The following EXT1 variants were observed in gnomAD, a reference collection of about 807,000 sequenced individuals.
EXT1 encodes the protein exostosin-1.
In EXT1, 20 loss-of-function variants were observed where a neutral mutation model predicts 82.5. That is an observed-to-expected ratio of 0.24 (90% CI 0.17 to 0.35). The LOEUF (loss-of-function observed/expected upper bound fraction) is 0.35. EXT1 is among the 10% of genes least tolerant of loss of function. The pLI is 1.00. For synonymous variants in EXT1, 348 were observed against 350.8 expected, an observed-to-expected ratio of 0.99 and a Z score of 0.09; for missense variants, 757 against 936.5, an observed-to-expected ratio of 0.81 and a Z score of 2.50.
At chr8:117,926,505 G>A (rs1813955324) in intron 1 of EXT1, among the ~76,000 whole-genome samples, 1 of 152,170 alleles carries the variant, frequency 6.6e-6, no homozygotes, top group African/African-American at 2.4e-5. Context: ...AGGGAGTCAT[G>A]GCTAGAAGTG....
At chr8:117,854,891 T>TA (rs1042982171) in intron 1 of EXT1, among the ~76,000 whole-genome samples, 2 of 152,224 alleles carry the variant, frequency 1.3e-5, no homozygotes, top group African/African-American at 4.8e-5. Context: ...GCATTTTTTT[T>TA]ACCAGCAGTT....
At chr8:117,885,599 A>T (rs1038524591) in intron 1 of EXT1, among the ~76,000 whole-genome samples, 24 of 152,032 alleles carry the variant, frequency 1.6e-4, no homozygotes, top group Non-Finnish European at 2.5e-4. Flanking sequence ...ATGGTAACAT[A>T]CCATTAGAGG....
chr8:117,813,113 A>C (rs1586993284), intron 7 of EXT1, 152 bp from the exon 8 acceptor site: 3 of 692,806 alleles, frequency 4.3e-6, no homozygotes, highest in Non-Finnish European at 7.8e-6. Context: ...CTCATTTCCC[A>C]TCAATGCAGA....
At chr8:117,943,265 A>T (rs556549955) in intron 1 of EXT1, among the ~76,000 whole-genome samples, 1 of 152,342 alleles carries the variant, frequency 6.6e-6, no homozygotes, top group South Asian at 2.1e-4. Context: ...ACAAACTGCT[A>T]GTAAGAAAAT....
In EXT1 at chr8:117,862,082, C is replaced by T. The variant is rs193089232; in HGVS notation, c.963-24881G>A. Reference sequence around the variant, plus strand: ...TAGACACTAGAGATGCTCAATCATGCGCTCTGTAAGCAAATCACACTTCAT... The same window carrying T: ...TAGACACTAGAGATGCTCAATCATGTGCTCTGTAAGCAAATCACACTTCAT... On this transcript the variant is annotated intron_variant, in intron 1 of 10. Transcript: ENST00000378204. Among the ~76,000 whole-genome samples, 27 of 146,250 alleles carry T rather than the reference C, an allele frequency of 1.8e-4. 2 individuals carry two copies. The highest frequency in any genetic ancestry group is 5.8e-4 in the African/African-American group (24 of 41,254).
At chr8:117,904,748 C>T (rs906357980) in intron 1 of EXT1, among the ~76,000 whole-genome samples, 57 of 151,036 alleles carry the variant, frequency 3.8e-4, no homozygotes, top group African/African-American at 1.3e-3. Flanking sequence ...TCAAGAAGTC[C>T]AAGAGAATGC....
rs1823127649 is a variant in EXT1 at position 117,799,222 on chromosome 8, T to C, written c.*490A>G. 1 of 170,220 alleles carries C rather than the reference T, an allele frequency of 5.9e-6. No homozygotes were observed. The highest frequency in any genetic ancestry group is 1.9e-4 in the South Asian group (1 of 5,404). 10.5% of individuals were successfully genotyped at this position (170,220 alleles called of 1,614,324 possible). ...TGAAGTTACAACTTATGCTCAGTTA[T>C]TTCTTGATAATGGGTAGAGTGACTT... is the stretch of plus-strand genomic sequence containing the variant. On this transcript the variant is annotated 3_prime_UTR_variant, in exon 11 of 11. Transcript: ENST00000378204.
intron 1 of EXT1, among the ~76,000 whole-genome samples, chr8:117,916,044 T>A (rs186880529): frequency 1.0e-3 from 158 of 151,928 alleles, no homozygotes; most frequent in Non-Finnish European, 2.0e-3. Flanking sequence ...TGATAGAAAC[T>A]GCTTTTTTTG....
chr8:117,974,369 C>T (rs1815024302), intron 1 of EXT1, among the ~76,000 whole-genome samples: 2 of 152,222 alleles, frequency 1.3e-5, no homozygotes, highest in South Asian at 4.1e-4. Flanking sequence ...CTCTTCCCTG[C>T]TGTAGTATCT....
intron 1 of EXT1, among the ~76,000 whole-genome samples, chr8:118,087,688 T>A (rs186543548): frequency 0.019 from 2,934 of 151,504 alleles, 94 homozygotes; most frequent in African/African-American, 0.068. Context: ...AGAAAAAAAA[T>A]TTTTTAATAA....
chr8:117,996,972 T>C (rs1417575493), intron 1 of EXT1, among the ~76,000 whole-genome samples: 5 of 152,212 alleles, frequency 3.3e-5, no homozygotes, highest in Non-Finnish European at 5.9e-5. Flanking sequence ...TTCTCTATAA[T>C]GTTACCCAGC....
intron 1 of EXT1, among the ~76,000 whole-genome samples, chr8:117,911,716 G>A (rs915585569): frequency 1.3e-5 from 2 of 152,214 alleles, no homozygotes; most frequent in African/African-American, 4.8e-5. Flanking sequence ...AAAAGTGCCA[G>A]GTTCGAGGAT....
At chr8:117,917,753 G>A (rs1433417669) in intron 1 of EXT1, among the ~76,000 whole-genome samples, 1 of 152,140 alleles carries the variant, frequency 6.6e-6, no homozygotes. Context: ...AGGTGTGCCT[G>A]GACAAGCAAC....
intron 1 of EXT1, among the ~76,000 whole-genome samples, chr8:118,041,681 G>GGAA (rs745939214): frequency 7.6e-5 from 11 of 144,728 alleles, no homozygotes; most frequent in Admixed American, 1.4e-4. Context: ...AAGGAAGGAA[G>GGAA]GAAGGAAGGA....
At chr8:117,952,998 C>G (rs928359580) in intron 1 of EXT1, among the ~76,000 whole-genome samples, 6 of 152,158 alleles carry the variant, frequency 3.9e-5, no homozygotes, top group Admixed American at 3.3e-4. Context: ...AAATAGCTTT[C>G]AATATTGCCA....
chr8:118,049,092 T>G (rs1461553847), intron 1 of EXT1, among the ~76,000 whole-genome samples: 1 of 152,198 alleles, frequency 6.6e-6, no homozygotes. Context: ...ACTGGTTAGA[T>G]CACATAAAAA....
At chr8:117,826,411 C>T (rs1389169118) in intron 4 of EXT1, among the ~76,000 whole-genome samples, 1 of 152,200 alleles carries the variant, frequency 6.6e-6, no homozygotes, top group African/African-American at 2.4e-5. Context: ...GGATCTTCAA[C>T]TCTATGCTGT....
At chr8:118,008,074 C>T (rs1340411415) in intron 1 of EXT1, among the ~76,000 whole-genome samples, 4 of 152,112 alleles carry the variant, frequency 2.6e-5, no homozygotes, top group Admixed American at 6.5e-5. Context: ...CTTCACCTCC[C>T]AACCCCCGAC....
intron 1 of EXT1, among the ~76,000 whole-genome samples, chr8:117,892,899 C>T (rs911828615): frequency 2.0e-5 from 3 of 152,166 alleles, no homozygotes; most frequent in Admixed American, 6.5e-5. Flanking sequence ...AGAAAAGGCT[C>T]GCTTTTTACT....
Sources: allele counts gnomAD v4.1 joint callset (sites outside exome capture counted in the v4.1 genomes callset), GRCh38; gene constraint gnomAD v4.1.1; transcripts MANE v1.5; gene names NCBI Gene and HGNC (gene_info 2026-07-23, HGNC 2026-07-21).